The following SEPTIN10 variants were observed in gnomAD, a reference collection of about 807,000 sequenced individuals.
SEPTIN10 encodes the protein septin-10.
In SEPTIN10, 66 loss-of-function variants were observed where a neutral mutation model predicts 54.8. The ratio of observed to expected loss-of-function variants is 1.21; its 90% CI spans 0.99 to 1.48. The LOEUF (loss-of-function observed/expected upper bound fraction) is 1.48, where lower values mean the gene tolerates loss of function less well. SEPTIN10 is among the 40% of genes most tolerant of loss of function. The pLI is 0.00. For missense variants in SEPTIN10, 620 were observed against 545.6 expected (o/e 1.14, Z -1.36); for synonymous variants, 161 against 181.0 (o/e 0.89, Z 0.89).
chr2:109,543,075 T>C lies in SEPTIN10; in HGVS notation c.*1234A>G, dbSNP rs181029459. On this transcript the variant is annotated 3_prime_UTR_variant, in exon 11 of 11. Coordinates refer to ENST00000397712, the MANE Select transcript of SEPTIN10 (RefSeq NM_144710.5). ...AAATGAAAATGTATATATCTATGAC[T>C]GTTAAGAAATGTTAGAAATCATTAA... 1.4e-4 allele frequency: 22 copies of C among 152,764 alleles called. No individual in the cohort carries two copies. Among genetic ancestry groups the C allele is most frequent in the East Asian group, 1.3e-3 (7 of 5,190 alleles). The allele number at this position is 152,764 out of a possible 1,614,324, so 9.5% of individuals were successfully genotyped here. A position where few individuals can be genotyped will look rare whatever the true frequency, so the allele number is the denominator to read the frequency against.
chr2:109,545,204 C>A, intron 10 of SEPTIN10: 1 of 985,290 alleles, frequency 1.0e-6, no homozygotes, highest in Non-Finnish European at 1.2e-6. Context: ...GCAGAGTCCC[C>A]CAAATGAGCA....
chr2:109,597,138 A>G (rs1695484950), intron 1 of SEPTIN10, among the ~76,000 whole-genome samples: 1 of 151,908 alleles, frequency 6.6e-6, no homozygotes, highest in South Asian at 2.1e-4. Context: ...ACGAGATCTC[A>G]CTCTGTTGCC....
intron 5 of SEPTIN10, among the ~76,000 whole-genome samples, chr2:109,570,449 G>A (rs919219185): frequency 1.3e-5 from 2 of 151,510 alleles, no homozygotes; most frequent in African/African-American, 2.4e-5. Context: ...TTTTTTTAAT[G>A]ACAATACAAC....
At chr2:109,547,984 A>C (rs1681751479) in intron 9 of SEPTIN10, among the ~76,000 whole-genome samples, 1 of 152,168 alleles carries the variant, frequency 6.6e-6, no homozygotes, top group Non-Finnish European at 1.5e-5. Flanking sequence ...AGGATTACTT[A>C]GGAGCTATGT....
At chr2:109,600,114 G>C (rs1439221607) in intron 1 of SEPTIN10, among the ~76,000 whole-genome samples, 1 of 152,148 alleles carries the variant, frequency 6.6e-6, no homozygotes, top group Admixed American at 6.5e-5. Context: ...TTGAAGACTG[G>C]GCACAGTAGG....
chr2:109,572,609 C>CAT (rs980861558), intron 5 of SEPTIN10, among the ~76,000 whole-genome samples: 1 of 111,202 alleles, frequency 9.0e-6, no homozygotes, highest in African/African-American at 3.8e-5. Flanking sequence ...TTTAAAACAA[C>CAT]TTTTTTTTTT....
chr2:109,557,981 C>G (rs936760791), intron 8 of SEPTIN10, among the ~76,000 whole-genome samples: 1 of 151,618 alleles, frequency 6.6e-6, no homozygotes, highest in African/African-American at 2.4e-5. Flanking sequence ...TTTGTAGAGA[C>G]AGAGTTTTGC....
At chr2:109,553,048 A>G in intron 9 of SEPTIN10, 39 bp downstream of exon 9, 1 of 1,591,956 alleles carries the variant, frequency 6.3e-7, no homozygotes, top group South Asian at 1.1e-5. Context: ...TAGGACATCT[A>G]AAAAATAAAT....
In SEPTIN10 at chr2:109,563,265, TA is replaced by T. The variant is rs200158364; in HGVS notation, c.1028+1100del. Among the ~76,000 whole-genome samples, 735 of 152,296 alleles carry T rather than the reference TA, an allele frequency of 4.8e-3. 5 individuals carry two copies. The highest frequency in any genetic ancestry group is 0.017 in the African/African-American group (702 of 41,570). ...TGCTACCAGAAGTGAAAACATTAAT[TA>T]ACTCCATAGACTGAAGAAATTTAAA... On this transcript the variant is annotated intron_variant, in intron 8 of 10. Coordinates refer to ENST00000397712, the MANE Select transcript of SEPTIN10 (RefSeq NM_144710.5).
chr2:109,610,963 GACTTAC>G (rs2106366631), intron 1 of SEPTIN10, among the ~76,000 whole-genome samples: 1 of 152,286 alleles, frequency 6.6e-6, no homozygotes, highest in African/African-American at 2.4e-5. Context: ...CCTTATTTCA[GACTTAC>G]ACAGCTACAG....
intron 6 of SEPTIN10, among the ~76,000 whole-genome samples, chr2:109,566,676 A>G (rs1687116094): frequency 6.6e-6 from 1 of 152,156 alleles, no homozygotes. Context: ...AGAGATCACT[A>G]GGAGCAGGAA....
At chr2:109,603,530 C>T (rs537397480) in intron 1 of SEPTIN10, among the ~76,000 whole-genome samples, 5 of 150,894 alleles carry the variant, frequency 3.3e-5, no homozygotes, top group African/African-American at 4.8e-5. Context: ...TGCACCACCG[C>T]GCCCGGCCTC....
At chr2:109,574,466 AT>A (rs1473477367) in intron 5 of SEPTIN10, 114 bp downstream of exon 5, 16 of 573,066 alleles carry the variant, frequency 2.8e-5, no homozygotes, top group Admixed American at 9.6e-5. Context: ...AAAAAAAAAA[AT>A]TTAAAAAAGA....
In SEPTIN10 at chr2:109,546,042, CCT is replaced by C; in HGVS notation, c.1349+6_1349+7del. ...AGGGCTGCCAGGGAGGGTGGCTGGG[CCT>C]CTTACTTCTTACGGTCCTTGTCCTT... On this transcript the variant is annotated splice_donor_region_variant and intron_variant, in intron 10 of 10. Coordinates refer to ENST00000397712, the MANE Select transcript of SEPTIN10 (RefSeq NM_144710.5). 6.4e-7 allele frequency: 1 copy of C among 1,559,310 alleles called. No homozygotes were observed. Among genetic ancestry groups the C allele is most frequent in the Non-Finnish European group, 8.6e-7 (1 of 1,157,910 alleles).
At chr2:109,601,322 T>C (rs1248677956) in intron 1 of SEPTIN10, among the ~76,000 whole-genome samples, 1 of 152,242 alleles carries the variant, frequency 6.6e-6, no homozygotes, top group Non-Finnish European at 1.5e-5. Context: ...TTTAAGGATT[T>C]CAGCAGTTGT....
At chr2:109,582,550 T>C (rs1223722436) in intron 4 of SEPTIN10, among the ~76,000 whole-genome samples, 1 of 152,130 alleles carries the variant, frequency 6.6e-6, no homozygotes, top group African/African-American at 2.4e-5. Flanking sequence ...TCAAGACTCC[T>C]GAGCAAGCGA....
intron 2 of SEPTIN10, among the ~76,000 whole-genome samples, chr2:109,590,140 A>C (rs1013153929): frequency 6.6e-5 from 10 of 151,792 alleles, no homozygotes; most frequent in Non-Finnish European, 1.0e-4. Flanking sequence ...AGATGTAAAT[A>C]TCTCGAAGGG....
chr2:109,575,623 T>C (rs1689515745), intron 4 of SEPTIN10, among the ~76,000 whole-genome samples: 1 of 152,232 alleles, frequency 6.6e-6, no homozygotes, highest in Non-Finnish European at 1.5e-5. Context: ...AGTTCTGATA[T>C]GATAAACCAC....
intron 2 of SEPTIN10, among the ~76,000 whole-genome samples, chr2:109,587,079 G>C (rs1362095431): frequency 6.6e-6 from 1 of 152,184 alleles, no homozygotes; most frequent in Non-Finnish European, 1.5e-5. Context: ...TGTTTAATTA[G>C]CAGGTAAGAA....
Sources: allele counts gnomAD v4.1 joint callset (sites outside exome capture counted in the v4.1 genomes callset), GRCh38; gene constraint gnomAD v4.1.1; transcripts MANE v1.5; gene names NCBI Gene and HGNC (gene_info 2026-07-23, HGNC 2026-07-21).